The following NCKAP5 variants were observed in gnomAD, a reference collection of about 807,000 sequenced individuals.
NCKAP5 encodes the protein nck-associated protein 5.
A neutral mutation model predicts 167.0 loss-of-function variants in NCKAP5; 92 were observed. The ratio of observed to expected loss-of-function variants is 0.55; its 90% confidence interval spans 0.47 to 0.66. NCKAP5 has a LOEUF of 0.66. Among genes scored for constraint, NCKAP5 ranks in the 30% least tolerant of loss-of-function variants. The probability of loss-of-function intolerance (pLI) is 0.00; values close to 1 mark genes in which losing one functional copy is unlikely to be tolerated. For missense variants in NCKAP5, 2,378 were observed against 2,315.0 expected (o/e 1.03, Z -0.56); for synonymous variants, 891 against 877.4 (o/e 1.02, Z -0.27).
intron 3 of NCKAP5, among the ~76,000 whole-genome samples, chr2:133,454,257 C>A (rs1449467971): frequency 6.6e-6 from 1 of 151,932 alleles, no homozygotes; most frequent in Admixed American, 6.6e-5. Flanking sequence ...TGATTACCAT[C>A]TATAAAGCAC....
chr2:132,797,786 G>A (rs1321168635), intron 11 of NCKAP5, among the ~76,000 whole-genome samples: 1 of 152,142 alleles, frequency 6.6e-6, no homozygotes, highest in Non-Finnish European at 1.5e-5. Flanking sequence ...TATCTACCAT[G>A]AAGTCAGCAG....
intron 2 of NCKAP5, among the ~76,000 whole-genome samples, chr2:133,551,307 C>A (rs1311250821): frequency 3.2e-3 from 432 of 135,046 alleles, no homozygotes; most frequent in East Asian, 0.011. Context: ...GCCAAAAGAA[C>A]AAAGCTGGAG....
At chr2:133,446,606 G>A (rs1394117865) in intron 3 of NCKAP5, among the ~76,000 whole-genome samples, 2 of 152,164 alleles carry the variant, frequency 1.3e-5, no homozygotes, top group Admixed American at 6.5e-5. Flanking sequence ...GTGTGTATGA[G>A]CACCATGCTC....
intron 5 of NCKAP5, among the ~76,000 whole-genome samples, chr2:133,190,202 G>A (rs959635479): frequency 1.6e-4 from 24 of 152,194 alleles, no homozygotes; most frequent in African/African-American, 5.5e-4. Context: ...AAATGCCTAG[G>A]AATCCAACTT....
intron 6 of NCKAP5, among the ~76,000 whole-genome samples, chr2:133,092,793 C>T: frequency 6.6e-6 from 1 of 152,176 alleles, no homozygotes; most frequent in East Asian, 1.9e-4. Flanking sequence ...AGTCACCTCA[C>T]TGAGATTTGC....
intron 19 of NCKAP5, among the ~76,000 whole-genome samples, chr2:132,710,625 G>C (rs1688750626): frequency 6.6e-6 from 1 of 152,166 alleles, no homozygotes; most frequent in Admixed American, 6.5e-5. Context: ...ATTTGACATA[G>C]TTAGTTGTAA....
intron 8 of NCKAP5, among the ~76,000 whole-genome samples, chr2:132,903,301 T>C (rs1693769369): frequency 6.6e-6 from 1 of 152,228 alleles, no homozygotes; most frequent in Admixed American, 6.5e-5. Flanking sequence ...TGGCTACCAT[T>C]TTGGTTAAAT....
chr2:132,808,175 T>A (rs1182094242), intron 11 of NCKAP5, among the ~76,000 whole-genome samples: 1 of 152,154 alleles, frequency 6.6e-6, no homozygotes, highest in Non-Finnish European at 1.5e-5. Flanking sequence ...TTGTTAAAAA[T>A]TTTAGCATAT....
At chr2:133,482,532 T>G (rs1369218868) in intron 3 of NCKAP5, among the ~76,000 whole-genome samples, 1 of 152,220 alleles carries the variant, frequency 6.6e-6, no homozygotes, top group Non-Finnish European at 1.5e-5. Flanking sequence ...TTTTCTTTAT[T>G]CATTAATTCA....
chr2:132,993,254 T>C (rs1403751810), intron 7 of NCKAP5, among the ~76,000 whole-genome samples: 1 of 152,198 alleles, frequency 6.6e-6, no homozygotes. Context: ...GGTCTCTATT[T>C]GTGATTTGAA....
At chr2:133,598,763 T>C in the NCKAP5 span, among the ~76,000 whole-genome samples, 1 of 152,196 alleles carries the variant, frequency 6.6e-6, no homozygotes, top group African/African-American at 2.4e-5. Context: ...GTCAGTTTCC[T>C]AGGGCTTCCA....
intron 8 of NCKAP5, among the ~76,000 whole-genome samples, chr2:132,895,246 G>T (rs887762933): frequency 6.6e-6 from 1 of 151,262 alleles, no homozygotes; most frequent in Non-Finnish European, 1.5e-5. Flanking sequence ...CAGGAGAATA[G>T]CGTGAACCCG....
At chr2:133,472,303 C>T (rs1679407235) in intron 3 of NCKAP5, among the ~76,000 whole-genome samples, 1 of 151,820 alleles carries the variant, frequency 6.6e-6, no homozygotes, top group South Asian at 2.1e-4. Context: ...CTGTAACTTT[C>T]CTTTAGATTT....
chr2:132,944,720 G>A (rs976437338), intron 8 of NCKAP5, among the ~76,000 whole-genome samples: 1 of 152,144 alleles, frequency 6.6e-6, no homozygotes, highest in African/African-American at 2.4e-5. Context: ...AGAAACTACT[G>A]TTCTATGCTT....
chr2:133,596,867 A>C, the NCKAP5 span, among the ~76,000 whole-genome samples: 1 of 152,256 alleles, frequency 6.6e-6, no homozygotes, highest in African/African-American at 2.4e-5. Context: ...AGAGAGAATT[A>C]GACCTGAATC....
chr2:132,922,285 T>C (rs1434031609), intron 8 of NCKAP5, among the ~76,000 whole-genome samples: 1 of 152,194 alleles, frequency 6.6e-6, no homozygotes, highest in East Asian at 1.9e-4. Flanking sequence ...TGACCCATTC[T>C]ATGTACAAAG....
chr2:133,391,939 A>T (rs1420915943), intron 3 of NCKAP5, among the ~76,000 whole-genome samples: 1 of 152,220 alleles, frequency 6.6e-6, no homozygotes, highest in Non-Finnish European at 1.5e-5. Context: ...CTATCACAGC[A>T]ACACAGCAGG....
chr2:133,031,129 A>G (rs1487681739), intron 6 of NCKAP5, among the ~76,000 whole-genome samples: 1 of 152,144 alleles, frequency 6.6e-6, no homozygotes, highest in Non-Finnish European at 1.5e-5. Context: ...ACACCTTCAT[A>G]AGTACCAAAA....
intron 4 of NCKAP5, among the ~76,000 whole-genome samples, chr2:133,291,809 C>G (rs1679621662): frequency 6.6e-6 from 1 of 152,362 alleles, no homozygotes; most frequent in East Asian, 1.9e-4. Flanking sequence ...GAACACAGCT[C>G]TACCAACGAC....
Sources: allele counts gnomAD v4.1 joint callset (sites outside exome capture counted in the v4.1 genomes callset), GRCh38; gene constraint gnomAD v4.1.1; transcripts MANE v1.5; gene names NCBI Gene and HGNC (gene_info 2026-07-23, HGNC 2026-07-21).